The following SLC35F5 variants were observed in gnomAD, a reference collection of about 807,000 sequenced individuals.
SLC35F5 encodes the protein solute carrier family 35 member F5, also known as HCV NS5A-transactivated protein 3.
Under a neutral mutation model 68.6 loss-of-function variants are expected in SLC35F5, and 54 were observed. That is an observed-to-expected ratio of 0.79 (90% CI 0.63 to 0.99). The LOEUF (loss-of-function observed/expected upper bound fraction) is 0.99. Among genes scored for constraint, SLC35F5 ranks in the 50% least tolerant of loss-of-function variants. The probability of loss-of-function intolerance (pLI) is 0.00; values close to 1 mark genes in which losing one functional copy is unlikely to be tolerated. For missense variants in SLC35F5, 567 were observed against 626.9 expected (o/e 0.90, Z 1.02); for synonymous variants, 211 against 205.2 (o/e 1.03, Z -0.24).
At chr2:113,726,059 A>G (rs1446963261) in intron 11 of SLC35F5, among the ~76,000 whole-genome samples, 1 of 152,218 alleles carries the variant, frequency 6.6e-6, no homozygotes, top group Non-Finnish European at 1.5e-5. Context: ...GAAAGTATGT[A>G]CACACAAAGA....
intron 9 of SLC35F5, among the ~76,000 whole-genome samples, chr2:113,732,107 A>G (rs1049169206): frequency 6.6e-6 from 1 of 151,948 alleles, no homozygotes; most frequent in African/African-American, 2.4e-5. Flanking sequence ...TCAAACCCAT[A>G]TAAATCCAGC....
At chr2:113,717,112 G>A (rs376248389) in intron 15 of SLC35F5, among the ~76,000 whole-genome samples, 18 of 152,074 alleles carry the variant, frequency 1.2e-4, no homozygotes, top group Non-Finnish European at 2.5e-4. Flanking sequence ...AAATCTGTAC[G>A]TTACATTTAA....
intron 5 of SLC35F5, among the ~76,000 whole-genome samples, chr2:113,745,334 G>A (rs79453551): frequency 0.1 from 15,665 of 152,136 alleles, 904 homozygotes; most frequent in Non-Finnish European, 0.13. Flanking sequence ...AAAAAACAGA[G>A]AGACAAACAA....
intron 3 of SLC35F5, among the ~76,000 whole-genome samples, chr2:113,750,899 C>T (rs1309753451): frequency 6.6e-6 from 1 of 152,204 alleles, no homozygotes; most frequent in Non-Finnish European, 1.5e-5. Flanking sequence ...AATCCCAGCA[C>T]GTGGGGAGAC....
In SLC35F5 at chr2:113,756,385, C is replaced by T; in HGVS notation, c.25G>A (p.Gly9Arg). The T allele has an allele frequency of 6.4e-7, 1 of 1,568,930 alleles. No individual in the cohort carries two copies. Among genetic ancestry groups the T allele is most frequent in the East Asian group, 2.4e-5 (1 of 42,020 alleles). ...GCCTGCCTACCTGGCCTTCCTGCCCCGCGATGGCGTCGTGGCGGCACCATG... is the reference window on the plus strand; with the variant it reads ...GCCTGCCTACCTGGCCTTCCTGCCCTGCGATGGCGTCGTGGCGGCACCATG... MVPPRRHR[G>R]AGRPGVLSSS... The change falls in exon 1 of 16, where the codon GGG becomes AGG. Residue 9 changes from glycine to arginine, a missense_variant. Physicochemically the swap from Gly to Arg is moderately radical, Grantham distance 125. Transcript: ENST00000245680.
At position 113,755,885 on chromosome 2, in the gene SLC35F5, A is replaced by G. The variant is rs1197113494; in HGVS notation, c.41-341T>C. On this transcript the variant is annotated intron_variant, in intron 1 of 15. Transcript: ENST00000245680. ...CATCCAGAGGAATCCATCCCTGGGG[A>G]CAGCGTCTAGACACTGTTTCTAAAA... The G allele has an allele frequency of 1.9e-6, 3 of 1,550,510 alleles. No homozygotes were observed. In the Admixed American group the frequency reaches 5.9e-5, roughly 30 times the overall value.
chr2:113,725,603 C>T, intron 11 of SLC35F5, 66 bp from the exon 12 acceptor site: 1 of 1,415,782 alleles, frequency 7.1e-7, no homozygotes, highest in Admixed American at 2.7e-5. Context: ...CTTATTAACT[C>T]TAAAATCAAA....
At position 113,753,162 on chromosome 2, in the gene SLC35F5, GTTTTTCTTT is replaced by G. The variant is rs1346365305; in HGVS notation, c.273+1994_273+2002del. The stretch of plus-strand genomic sequence containing the variant: ...AATACACACTTTATCTCCAAAGTTT[GTTTTTCTTT>G]TTTTTTTTTTTTTTTTTTTTTTTTG... On this transcript the variant is annotated intron_variant, in intron 3 of 15. Coordinates refer to ENST00000245680, the MANE Select transcript of SLC35F5 (RefSeq NM_025181.5). Among the ~76,000 whole-genome samples, 318 of 50,528 alleles carry G rather than the reference GTTTTTCTTT, an allele frequency of 6.3e-3. 16 individuals are homozygous for G. The highest frequency in any genetic ancestry group is 0.019 in the African/African-American group (280 of 15,094). 33.1% of individuals were successfully genotyped at this position (50,528 alleles called of 152,430 possible).
At chr2:113,745,143 C>G (rs1301779160) in intron 5 of SLC35F5, among the ~76,000 whole-genome samples, 1 of 152,160 alleles carries the variant, frequency 6.6e-6, no homozygotes, top group African/African-American at 2.4e-5. Flanking sequence ...ACATATCCAT[C>G]TTACAGATAA....
Position 113,755,288 on chromosome 2 carries a change from TAC to T in SLC35F5, c.148_149del (p.Val50IlefsTer30), listed in dbSNP as rs1413370375. On this transcript the variant is annotated frameshift_variant, in exon 3 of 16. Transcript: ENST00000245680. LOFTEE classifies it high-confidence loss of function. ...ALKTRLQMVC[V>X]FVMNRMNSQN... ...GGGAATTCATTCGGTTCATGACAAA[TAC>T]ACACACCATTTGCAGTCTGTTTTTT... 1 of 1,614,102 alleles carries T rather than the reference TAC, an allele frequency of 6.2e-7. No individual in the cohort carries two copies. Among genetic ancestry groups the T allele is most frequent in the Non-Finnish European group, 8.5e-7 (1 of 1,179,998 alleles).
At chr2:113,732,772 T>C (rs894190280) in intron 9 of SLC35F5, among the ~76,000 whole-genome samples, 1 of 152,196 alleles carries the variant, frequency 6.6e-6, no homozygotes, top group African/African-American at 2.4e-5. Flanking sequence ...CAACTTCTAC[T>C]CATTTAATCC....
intron 4 of SLC35F5, among the ~76,000 whole-genome samples, chr2:113,747,336 GAA>G (rs199983040): frequency 0.012 from 1,792 of 150,724 alleles, 22 homozygotes; most frequent in Non-Finnish European, 0.014. Context: ...CACACTTTAA[GAA>G]TCACTGCGCT....
At position 113,755,462 on chromosome 2, in the gene SLC35F5, A is replaced by T. The variant is rs773732153; in HGVS notation, c.123T>A (p.Leu41=). 3 of 1,614,002 alleles carry T rather than the reference A, an allele frequency of 1.9e-6. No individual in the cohort carries two copies. The highest frequency in any genetic ancestry group is 2.5e-6 in the Non-Finnish European group (3 of 1,179,964). Residue 41 remains leucine, a synonymous_variant, in exon 2 of 16, where the codon CTT becomes CTA. Coordinates refer to ENST00000245680, the MANE Select transcript of SLC35F5 (RefSeq NM_025181.5). ...GIALEDLRRA[L]KTRLQMVCVF... Reference sequence around the variant, plus strand: ...ATAAACGTGGAATCTACCTTGTCTTAAGAGCCCTTCTGAGATCCTCAAGAG... The same window carrying T: ...ATAAACGTGGAATCTACCTTGTCTTTAGAGCCCTTCTGAGATCCTCAAGAG...
rs561586229 is a variant in SLC35F5 at position 113,733,315 on chromosome 2, G to A, written c.920+1271C>T. ...CAACATAGTTTGCCAACCTCTGTTC[G>A]TCTACCTACTTTAATGAGAAGAAGT... On this transcript the variant is annotated intron_variant, in intron 9 of 15. Coordinates refer to ENST00000245680, the MANE Select transcript of SLC35F5 (RefSeq NM_025181.5). 8.6e-4 allele frequency: 237 copies of A among 276,590 alleles called. 3 individuals carry two copies. Among genetic ancestry groups the A allele is most frequent in the South Asian group, 6.4e-3 (190 of 29,822 alleles). 17.1% of individuals were successfully genotyped at this position (276,590 alleles called of 1,614,324 possible). A position where few individuals can be genotyped will look rare whatever the true frequency, so the allele number is the denominator to read the frequency against.
intron 11 of SLC35F5, among the ~76,000 whole-genome samples, chr2:113,726,682 C>T (rs184080618): frequency 2.0e-4 from 31 of 152,236 alleles, no homozygotes; most frequent in Admixed American, 6.5e-4. Context: ...CAGCAAGTTC[C>T]CACCCTCCAC....
chr2:113,729,585 A>G lies in SLC35F5; in HGVS notation c.986-80T>C, dbSNP rs868729042. Reference sequence around the variant, plus strand: ...CTTAAAATCCAATAATGTGTCAGATAATATTGCAAGAATATACAAAAGTGA... The same window carrying G: ...CTTAAAATCCAATAATGTGTCAGATGATATTGCAAGAATATACAAAAGTGA... On this transcript the variant is annotated intron_variant, in intron 10 of 15. Transcript: ENST00000245680. 4.5e-4 allele frequency: 338 copies of G among 743,618 alleles called. 1 individual carries two copies. The highest frequency in any genetic ancestry group is 2.1e-3 in the Middle Eastern group (9 of 4,278). 46.1% of individuals were successfully genotyped at this position (743,618 alleles called of 1,614,324 possible).
chr2:113,753,378 T>C (rs1294176004), intron 3 of SLC35F5, among the ~76,000 whole-genome samples: 1 of 152,038 alleles, frequency 6.6e-6, no homozygotes, highest in African/African-American at 2.4e-5. Flanking sequence ...AGTTTCACCA[T>C]GTTGGCCAGG....
At position 113,755,475 on chromosome 2, in the gene SLC35F5, A is replaced by C; in HGVS notation, c.110T>G (p.Leu37Arg). Reference sequence around the variant, plus strand: ...CTACCTTGTCTTAAGAGCCCTTCTGAGATCCTCAAGAGCAATGCCGGAAAA... The same window carrying C: ...CTACCTTGTCTTAAGAGCCCTTCTGCGATCCTCAAGAGCAATGCCGGAAAA... ...AKFSGIALED[L>R]RRALKTRLQM... Residue 37 changes from leucine (L) to arginine (R), a missense_variant, in exon 2 of 16, where the codon CTC becomes CGC. Transcript: ENST00000245680. 6.2e-7 allele frequency: 1 copy of C among 1,614,158 alleles called. No individual in the cohort carries two copies. Among genetic ancestry groups the C allele is most frequent in the Non-Finnish European group, 8.5e-7 (1 of 1,180,004 alleles).
chr2:113,748,328 G>A (rs1316378588), intron 4 of SLC35F5, among the ~76,000 whole-genome samples: 1 of 151,940 alleles, frequency 6.6e-6, no homozygotes, highest in Non-Finnish European at 1.5e-5. Context: ...ACCACGACTG[G>A]CTAATTTTTT....
Sources: allele counts gnomAD v4.1 joint callset (sites outside exome capture counted in the v4.1 genomes callset), GRCh38; gene constraint gnomAD v4.1.1; transcripts MANE v1.5; gene names NCBI Gene and HGNC (gene_info 2026-07-23, HGNC 2026-07-21).